Variants in EVC2 observed in about 807,000 individuals in gnomAD.
The protein encoded by EVC2 is limbin.
A neutral mutation model predicts 149.3 loss-of-function variants in EVC2; 148 were observed. The ratio of observed to expected loss-of-function variants is 0.99; its 90% CI spans 0.87 to 1.14. EVC2 has a LOEUF of 1.14. EVC2 is among the 50% of genes most tolerant of loss of function. The pLI is 0.00. For missense variants in EVC2, 1,854 were observed against 1,627.3 expected (o/e 1.14, Z -2.40); for synonymous variants, 776 against 649.9 (o/e 1.19, Z -2.95).
chr4:5,682,515 T>G (rs1178747096), intron 6 of EVC2, among the ~76,000 whole-genome samples: 1 of 148,814 alleles, frequency 6.7e-6, no homozygotes, highest in African/African-American at 2.5e-5. Flanking sequence ...ATAATAATAA[T>G]AAAATTTTTT....
At chr4:5,697,252 G>T (rs1426727797) in intron 2 of EVC2, among the ~76,000 whole-genome samples, 1 of 152,216 alleles carries the variant, frequency 6.6e-6, no homozygotes, top group Non-Finnish European at 1.5e-5. Context: ...GAATAAACGT[G>T]TGTGGTCGAA....
At chr4:5,532,264 G>A in the EVC2 span, among the ~76,000 whole-genome samples, 43 of 152,236 alleles carry the variant, frequency 2.8e-4, 1 homozygote, top group African/African-American at 1.0e-3. Flanking sequence ...GCTTAGGGGA[G>A]GTCAGTTTTT....
Position 5,618,864 on chromosome 4 carries a change from A to G in EVC2, c.2502-182T>C, listed in dbSNP as rs1715475901. 6.6e-6 allele frequency among the ~76,000 whole-genome samples: 1 copy of G among 152,226 alleles called. No individual in the cohort carries two copies. The highest frequency in any genetic ancestry group is 1.5e-5 in the Non-Finnish European group (1 of 68,032). On this transcript the variant is annotated intron_variant, in intron 14 of 21. Coordinates refer to ENST00000344408, the MANE Select transcript of EVC2 (RefSeq NM_147127.5). The surrounding 1 kb of genome is among the most constrained non-coding windows in gnomAD (Gnocchi z 4.4). Reference sequence around the variant, plus strand: ...GAGCACCTAATGCATGTCGTGCTGCATAGGACATTGTATTGGAGCTAGGAA... The same window carrying G: ...GAGCACCTAATGCATGTCGTGCTGCGTAGGACATTGTATTGGAGCTAGGAA...
rs192726407 is a variant in EVC2, at chr4:5,643,456, G to A, written c.1146-2618C>T. Among the ~76,000 whole-genome samples the A allele has an allele frequency of 1.2e-4, 18 of 152,142 alleles. 1 individual carries two copies. The East Asian group carries it at 2.1e-3, about 18-fold the overall frequency. On this transcript the variant is annotated intron_variant, in intron 9 of 21. Coordinates refer to ENST00000344408, the MANE Select transcript of EVC2 (RefSeq NM_147127.5). ...ACCATTCACCTCTAACCGCATCTTT[G>A]GGTCTTCATTTCCTTACGTGGGCTC...
chr4:5,559,694 A>G (rs1439551898), downstream of EVC2, among the ~76,000 whole-genome samples: 1 of 152,354 alleles, frequency 6.6e-6, no homozygotes, highest in South Asian at 2.1e-4. This position sits in a 1 kb window ranked among gnomAD's most constrained non-coding sequence, Gnocchi z 5.0. Context: ...AGAGCTCCCA[A>G]TGTTGAAAGC....
chr4:5,622,685 C>T lies in EVC2; in HGVS notation c.2353G>A (p.Ala785Thr). ...CCCTCCAGCTGCTCGGCCCGTGCAG[C>T]CATCTCCTTGCCGTGCTCCTCCAGG... ...QILEEHGKEM[A>T]ARAEQLEGEE... The change falls in exon 14 of 22, where the codon GCT becomes ACT. Residue 785 changes from alanine to threonine, a missense_variant. Physicochemically the swap from Ala to Thr is moderately conservative, Grantham distance 58 (BLOSUM62 0). Transcript: ENST00000344408. This position sits in a 1 kb window ranked among gnomAD's most constrained non-coding sequence, Gnocchi z 5.8. 1 of 1,614,162 alleles carries T rather than the reference C, an allele frequency of 6.2e-7. No homozygotes were observed. The highest frequency in any genetic ancestry group is 8.5e-7 in the Non-Finnish European group (1 of 1,180,036).
chr4:5,599,648 C>G (rs1490137808), intron 16 of EVC2, among the ~76,000 whole-genome samples: 1 of 152,036 alleles, frequency 6.6e-6, no homozygotes, highest in East Asian at 1.9e-4. Flanking sequence ...GTGCAGCACA[C>G]CAGCATGGCA....
chr4:5,651,246 T>TA (rs1718122496), intron 9 of EVC2, among the ~76,000 whole-genome samples: 2 of 151,226 alleles, frequency 1.3e-5, no homozygotes, highest in African/African-American at 4.9e-5. Context: ...GAAGTATGGA[T>TA]GATAGATGGG....
chr4:5,530,277 G>A, the EVC2 span, among the ~76,000 whole-genome samples: 8 of 152,304 alleles, frequency 5.3e-5, no homozygotes, highest in African/African-American at 1.9e-4. Flanking sequence ...ATTCTTCAAT[G>A]CTTCCTTTAC....
At chr4:5,689,445 A>G in intron 4 of EVC2, 102 bp from the exon 5 acceptor site, 11 of 1,167,082 alleles carry the variant, frequency 9.4e-6, no homozygotes, top group Non-Finnish European at 1.3e-5. Context: ...TCCAGGAAGA[A>G]GGAGGGTAGC....
chr4:5,664,502 T>A (rs1445687904), intron 8 of EVC2, among the ~76,000 whole-genome samples: 1 of 152,158 alleles, frequency 6.6e-6, no homozygotes, highest in Admixed American at 6.5e-5. Flanking sequence ...GTTTAGTTCT[T>A]CTGATTGATA....
intron 12 of EVC2, among the ~76,000 whole-genome samples, chr4:5,628,310 CTG>C (rs1716267183): frequency 6.6e-6 from 1 of 152,082 alleles, no homozygotes; most frequent in Admixed American, 6.6e-5. Context: ...AATGCCATTT[CTG>C]TGTTAGTTAT....
chr4:5,650,634 T>TAGAGAGAGAGAGAG (rs1204960392), intron 9 of EVC2, among the ~76,000 whole-genome samples: 7 of 58,210 alleles, frequency 1.2e-4, no homozygotes, highest in Admixed American at 2.0e-4. Flanking sequence ...TATATATATA[T>TAGAGAGAGAGAGAG]ATATAGAGAG....
chr4:5,677,558 C>T lies in EVC2; in HGVS notation c.870+3702G>A, dbSNP rs1720075028. 6.6e-6 allele frequency among the ~76,000 whole-genome samples: 1 copy of T among 152,184 alleles called. No homozygotes were observed. Among genetic ancestry groups the T allele is most frequent in the Non-Finnish European group, 1.5e-5 (1 of 68,028 alleles). ...AAGGCAACATGCAGGTGACGGGAAG[C>T]CTGGAAGACCTCGGCATGGCTCAAT... On this transcript the variant is annotated intron_variant, in intron 7 of 21. Transcript: ENST00000344408. The surrounding 1 kb of genome is among the most constrained non-coding windows in gnomAD (Gnocchi z 4.3).
chr4:5,658,671 G>A (rs995468337), intron 9 of EVC2, among the ~76,000 whole-genome samples: 1 of 152,230 alleles, frequency 6.6e-6, no homozygotes, highest in Admixed American at 6.5e-5. Context: ...TTAAAAAGCT[G>A]TTCGGTCAGT....
intron 7 of EVC2, 138 bp from the exon 8 acceptor site, chr4:5,665,787 A>G (rs1719241379): frequency 3.7e-6 from 5 of 1,356,790 alleles, no homozygotes; most frequent in Non-Finnish European, 5.1e-6. Context: ...TCTGCCAGCT[A>G]CCAGCTGGCT....
intron 17 of EVC2, among the ~76,000 whole-genome samples, chr4:5,581,138 C>T (rs561654756): frequency 6.6e-6 from 1 of 152,182 alleles, no homozygotes; most frequent in African/African-American, 2.4e-5. Flanking sequence ...CCTTTCCTTA[C>T]AAATTAGCTA....
chr4:5,678,072 GA>G (rs1720108027), intron 7 of EVC2, among the ~76,000 whole-genome samples: 1 of 152,196 alleles, frequency 6.6e-6, no homozygotes, highest in African/African-American at 2.4e-5. Context: ...GGCATCCTCT[GA>G]AAGCCCTTCC....
At chr4:5,580,752 C>T (rs1395529621) in intron 17 of EVC2, among the ~76,000 whole-genome samples, 2 of 112,326 alleles carry the variant, frequency 1.8e-5, no homozygotes, top group South Asian at 3.0e-4. Flanking sequence ...TATTAATTTG[C>T]TACGGAGTTT....
Sources: gnomAD v4.1 joint callset for allele counts (sites outside exome capture counted in the v4.1 genomes callset) on GRCh38, gnomAD v4.1.1 for gene constraint, Gnocchi (gnomAD v3.1) non-coding constraint, MANE v1.5 for transcripts, NCBI Gene and HGNC (gene_info 2026-07-23, HGNC 2026-07-21) for gene names.